Variants in SUMF1 observed in about 807,000 individuals in gnomAD.
The protein encoded by SUMF1 is formylglycine-generating enzyme.
Under a neutral mutation model 47.6 loss-of-function variants are expected in SUMF1, and 48 were observed. The ratio of observed to expected loss-of-function variants is 1.01; its 90% confidence interval spans 0.80 to 1.28. The LOEUF (loss-of-function observed/expected upper bound fraction) is 1.28. Among genes scored for constraint, SUMF1 ranks in the 50% most tolerant of loss-of-function variants. SUMF1 has a pLI of 0.00. For synonymous variants in SUMF1, 230 were observed against 192.1 expected, an observed-to-expected ratio of 1.20 and a Z score of -1.63; for missense variants, 571 against 485.4, an observed-to-expected ratio of 1.18 and a Z score of -1.66.
At chr3:4,193,289 CT>C (rs76538931) in intron 8 of SUMF1, among the ~76,000 whole-genome samples, 48,375 of 151,812 alleles carry the variant, frequency 0.32, 7,827 homozygotes, top group East Asian at 0.4. Flanking sequence ...AGCCATCACC[CT>C]TTGTGTCTCT....
At chr3:4,253,710 T>G (rs1435788393) in intron 8 of SUMF1, among the ~76,000 whole-genome samples, 1 of 148,626 alleles carries the variant, frequency 6.7e-6, no homozygotes, top group Non-Finnish European at 1.5e-5. Flanking sequence ...TGGCCAGGCT[T>G]GATTAGGTAA....
intron 8 of SUMF1, among the ~76,000 whole-genome samples, chr3:4,188,229 G>T (rs1409505093): frequency 6.6e-6 from 1 of 151,256 alleles, no homozygotes; most frequent in Non-Finnish European, 1.5e-5. Flanking sequence ...AGGCTGGAGT[G>T]CAACGGGGTA....
At chr3:4,198,009 G>T (rs1695464807) in intron 8 of SUMF1, among the ~76,000 whole-genome samples, 2 of 143,936 alleles carry the variant, frequency 1.4e-5, no homozygotes, top group Admixed American at 7.3e-5. Context: ...TAAGTTGATG[G>T]GTTTTTGTGT....
At position 4,280,814 on chromosome 3, in the gene SUMF1, C is replaced by CGTGTGTGT. The variant is rs56919301; in HGVS notation, c.1014+95508_1014+95515dup. Among the ~76,000 whole-genome samples, 452 of 138,050 alleles carry CGTGTGTGT rather than the reference C, an allele frequency of 3.3e-3. 5 individuals are homozygous for CGTGTGTGT. The highest frequency in any genetic ancestry group is 5.7e-3 in the East Asian group (24 of 4,184). 90.6% of individuals were successfully genotyped at this position (138,050 alleles called of 152,430 possible). A position where few individuals can be genotyped will look rare whatever the true frequency, so the allele number is the denominator to read the frequency against. ...ACTCCAATCTTCAAATGGCATTCAC[C>CGTGTGTGT]GTGTGTGTGTGTGTGTGTGTGTGTG... On this transcript the variant is annotated intron_variant and NMD_transcript_variant, in intron 8 of 12. Coordinates refer to the SUMF1 transcript ENST00000448413.
intron 9 of SUMF1, among the ~76,000 whole-genome samples, chr3:4,036,617 T>TG (rs1694802154): frequency 7.0e-6 from 1 of 143,390 alleles, no homozygotes; most frequent in Non-Finnish European, 1.5e-5. Context: ...ATGAATCCAT[T>TG]AAAAAAAAAA....
chr3:4,376,851 A>G (rs2124848668), intron 7 of SUMF1, among the ~76,000 whole-genome samples: 1 of 152,336 alleles, frequency 6.6e-6, no homozygotes, highest in Non-Finnish European at 1.5e-5. Context: ...GCTGGAGTGC[A>G]GTGCTGTGAT....
At chr3:4,060,407 G>C (rs143955089) in intron 9 of SUMF1, among the ~76,000 whole-genome samples, 2 of 151,994 alleles carry the variant, frequency 1.3e-5, no homozygotes, top group Non-Finnish European at 2.9e-5. Context: ...TCTCTGCCTC[G>C]GTTTTCTCAC....
chr3:4,412,531 G>C (rs1701576846), intron 6 of SUMF1, among the ~76,000 whole-genome samples: 1 of 152,168 alleles, frequency 6.6e-6, no homozygotes, highest in Admixed American at 6.6e-5. Context: ...GGAAGGAAAA[G>C]AAGAAATTCA....
intron 9 of SUMF1, among the ~76,000 whole-genome samples, chr3:4,044,338 G>C (rs1417892089): frequency 1.3e-5 from 2 of 152,098 alleles, no homozygotes; most frequent in African/African-American, 4.8e-5. Flanking sequence ...CTGGCCTCTT[G>C]TTCTCTAAAT....
chr3:4,287,306 T>C (rs903995387), intron 8 of SUMF1, among the ~76,000 whole-genome samples: 10 of 151,986 alleles, frequency 6.6e-5, no homozygotes, highest in African/African-American at 2.2e-4. Flanking sequence ...CTTTCAGAAA[T>C]TGAGGCAGTA....
intron 8 of SUMF1, among the ~76,000 whole-genome samples, chr3:4,124,205 A>T (rs1257560043): frequency 1.3e-5 from 2 of 152,176 alleles, no homozygotes; most frequent in South Asian, 2.1e-4. Context: ...GAGACAGAAT[A>T]AACAGATTTT....
At chr3:4,350,068 T>C (rs1262313963) in intron 8 of SUMF1, among the ~76,000 whole-genome samples, 2 of 151,738 alleles carry the variant, frequency 1.3e-5, no homozygotes, top group Non-Finnish European at 2.9e-5. Context: ...TGGCACGATC[T>C]TGGGTCACTG....
intron 8 of SUMF1, among the ~76,000 whole-genome samples, chr3:4,213,736 GC>G (rs1411660249): frequency 1.3e-5 from 2 of 151,870 alleles, no homozygotes; most frequent in African/African-American, 4.8e-5. Context: ...CAAATGGAAA[GC>G]AAAAAAAGCA....
chr3:4,191,587 A>C (rs1373349493), intron 8 of SUMF1, among the ~76,000 whole-genome samples: 2 of 152,158 alleles, frequency 1.3e-5, no homozygotes, highest in African/African-American at 2.4e-5. Flanking sequence ...GAGTAGAGGC[A>C]GGTAGACTGG....
intron 8 of SUMF1, among the ~76,000 whole-genome samples, chr3:4,163,115 C>G (rs908728116): frequency 1.5e-5 from 2 of 131,862 alleles, no homozygotes; most frequent in Non-Finnish European, 3.3e-5. Flanking sequence ...AACTAAGCAG[C>G]AGCCTGAAAA....
chr3:4,040,800 C>A (rs1694894940), intron 9 of SUMF1, among the ~76,000 whole-genome samples: 1 of 152,082 alleles, frequency 6.6e-6, no homozygotes, highest in African/African-American at 2.4e-5. Context: ...GTAACTAGAA[C>A]CAGAGAGGCA....
At position 4,466,765 on chromosome 3, in the gene SUMF1, A is replaced by C. The variant is rs74850952; in HGVS notation, c.270+211T>G. Among the ~76,000 whole-genome samples, 19 of 152,376 alleles carry C rather than the reference A, an allele frequency of 1.2e-4. No individual in the cohort carries two copies. In the East Asian group the frequency reaches 2.5e-3, roughly 20 times the overall value. On this transcript the variant is annotated intron_variant, in intron 1 of 8. Coordinates refer to ENST00000272902, the MANE Select transcript of SUMF1 (RefSeq NM_182760.4). ...AAATAGGGGGTAAAGAAGTAACAAT[A>C]ACCCTCAAACCAAACTCCCTAATGG...
At chr3:4,464,043 C>T (rs561960594) in intron 1 of SUMF1, among the ~76,000 whole-genome samples, 2 of 152,300 alleles carry the variant, frequency 1.3e-5, no homozygotes, top group South Asian at 4.1e-4. Flanking sequence ...GCCACACACA[C>T]TCATTGTATG....
At chr3:4,168,582 GA>G (rs1165963126) in intron 8 of SUMF1, among the ~76,000 whole-genome samples, 1 of 152,156 alleles carries the variant, frequency 6.6e-6, no homozygotes, top group African/African-American at 2.4e-5. Flanking sequence ...TTCACTTACA[GA>G]ATGTATACTT....
Sources: allele counts gnomAD v4.1 joint callset (sites outside exome capture counted in the v4.1 genomes callset), GRCh38; gene constraint gnomAD v4.1.1; transcripts MANE v1.5; gene names NCBI Gene and HGNC (gene_info 2026-07-23, HGNC 2026-07-21).